TYW3: variants seen among roughly 807,000 people sequenced by gnomAD.
The protein encoded by TYW3 is tRNA wybutosine-synthesizing protein 3 homolog.
Under a neutral mutation model 23.1 loss-of-function variants are expected in TYW3, and 26 were observed. That is an observed-to-expected ratio of 1.13 (90% confidence interval 0.83 to 1.56). TYW3 has a LOEUF of 1.56. Ranked by LOEUF, TYW3 falls within the 40% of genes most tolerant of loss-of-function variation. TYW3 has a pLI of 0.00. For synonymous variants in TYW3, 102 were observed against 105.7 expected (o/e 0.97, Z 0.21); for missense variants, 316 against 311.9 (o/e 1.01, Z -0.10).
At chr1:74,748,666 A>G in intron 3 of TYW3, 85 bp from the exon 4 acceptor site, 2 of 1,345,670 alleles carry the variant, frequency 1.5e-6, no homozygotes, top group Non-Finnish European at 2.1e-6. Flanking sequence ...TTTTAGGGTT[A>G]TATATGTTTC....
intron 4 of TYW3, 58 bp from the exon 5 acceptor site, chr1:74,752,234 T>C: frequency 6.6e-7 from 1 of 1,522,492 alleles, no homozygotes; most frequent in Non-Finnish European, 8.8e-7. Context: ...TTTTCTTGAG[T>C]TATTTTCAGT....
chr1:74,738,271 C>T (rs991645620), intron 2 of TYW3, among the ~76,000 whole-genome samples: 1 of 152,170 alleles, frequency 6.6e-6, no homozygotes, highest in African/African-American at 2.4e-5. Flanking sequence ...GTACAGGATG[C>T]TTCTTGGGAA....
intron 1 of TYW3, chr1:74,736,063 T>A (rs1648143025): frequency 6.6e-6 from 1 of 152,200 alleles, no homozygotes; most frequent in Non-Finnish European, 1.5e-5. Context: ...AATTCAGAGG[T>A]CACAAATTTA....
chr1:74,739,357 A>T (rs1194411493), intron 3 of TYW3, among the ~76,000 whole-genome samples: 3 of 152,220 alleles, frequency 2.0e-5, no homozygotes, highest in African/African-American at 7.2e-5. Flanking sequence ...AAACAAGTGA[A>T]CTGGCAAAAA....
intron 5 of TYW3, among the ~76,000 whole-genome samples, chr1:74,754,229 C>A: frequency 6.6e-6 from 1 of 152,086 alleles, no homozygotes; most frequent in East Asian, 1.9e-4. Context: ...CCAAGATCAA[C>A]TAACTGTACA....
At chr1:74,745,163 T>G (rs2881153) in intron 3 of TYW3, among the ~76,000 whole-genome samples, 98,288 of 151,858 alleles carry the variant, frequency 0.65, 32,362 homozygotes, top group East Asian at 0.78. Context: ...GAATGAAGCC[T>G]CAGACCTCCG....
rs1648674125 is a variant in TYW3, at chr1:74,748,743, T to C, written c.355-8T>C. 6.2e-7 allele frequency: 1 copy of C among 1,613,798 alleles called. No individual in the cohort carries two copies. Among genetic ancestry groups the C allele is most frequent in the Non-Finnish European group, 8.5e-7 (1 of 1,179,756 alleles). On this transcript the variant is annotated splice_region_variant and splice_polypyrimidine_tract_variant and intron_variant, in intron 3 of 5. Transcript: ENST00000370867. ...TATCAAAATGTAACAAGTTTTATTT[T>C]CTTACAGCATTCCATGGCAATAGAT...
At chr1:74,762,390 A>C (rs1198317441) in intron 5 of TYW3, among the ~76,000 whole-genome samples, 1 of 152,158 alleles carries the variant, frequency 6.6e-6, no homozygotes, top group East Asian at 1.9e-4. Context: ...AGGACATAAA[A>C]GTAAGATGAG....
intron 2 of TYW3, among the ~76,000 whole-genome samples, chr1:74,737,186 C>T (rs2298103): frequency 0.016 from 2,421 of 152,240 alleles, 27 homozygotes; most frequent in East Asian, 0.055. Flanking sequence ...CTGGAAAGGG[C>T]GAATGGAGCT....
chr1:74,750,889 C>T (rs1648760885), intron 4 of TYW3, among the ~76,000 whole-genome samples: 1 of 147,266 alleles, frequency 6.8e-6, no homozygotes, highest in African/African-American at 2.5e-5. Flanking sequence ...CTCACTGCAA[C>T]CGCCACCTCC....
chr1:74,733,701 A>G (rs574147720), intron 1 of TYW3, among the ~76,000 whole-genome samples: 160 of 152,348 alleles, frequency 1.1e-3, no homozygotes, highest in African/African-American at 3.6e-3. Flanking sequence ...AATGATGTTG[A>G]AACTGCTGAC....
At chr1:74,760,576 G>C (rs1435553756) in intron 5 of TYW3, among the ~76,000 whole-genome samples, 1 of 152,042 alleles carries the variant, frequency 6.6e-6, no homozygotes, top group African/African-American at 2.4e-5. Flanking sequence ...TTAGAGCACT[G>C]TGTCCCATCT....
At chr1:74,739,598 G>A (rs59234789) in intron 3 of TYW3, among the ~76,000 whole-genome samples, 1 of 152,210 alleles carries the variant, frequency 6.6e-6, no homozygotes, top group Non-Finnish European at 1.5e-5. Context: ...GTGGAAAGAA[G>A]GTGCCAGAAG....
chr1:74,744,403 G>A (rs938640901), intron 3 of TYW3, among the ~76,000 whole-genome samples: 12 of 152,000 alleles, frequency 7.9e-5, no homozygotes, highest in South Asian at 2.1e-4. Flanking sequence ...AAAATGAGCC[G>A]CCTCTTTTTC....
intron 5 of TYW3, among the ~76,000 whole-genome samples, chr1:74,754,342 C>T (rs1298505433): frequency 3.9e-5 from 6 of 152,184 alleles, no homozygotes; most frequent in African/African-American, 1.4e-4. Flanking sequence ...TGCATGCTGC[C>T]ATTAAGAGCC....
intron 3 of TYW3, among the ~76,000 whole-genome samples, chr1:74,746,044 C>G (rs1377868972): frequency 2.6e-5 from 4 of 152,172 alleles, no homozygotes; most frequent in Admixed American, 2.0e-4. Flanking sequence ...GAGGTTAGGG[C>G]ATCAACATAT....
chr1:74,766,374 C>T lies in TYW3; in HGVS notation c.*2261C>T, dbSNP rs1649307534. The T allele has an allele frequency of 6.6e-6, 1 of 152,006 alleles. No individual in the cohort carries two copies. The highest frequency in any genetic ancestry group is 1.5e-5 in the Non-Finnish European group (1 of 68,010). The allele number at this position is 152,006 out of a possible 1,614,324, so 9.4% of individuals were successfully genotyped here. On this transcript the variant is annotated 3_prime_UTR_variant, in exon 6 of 6. Coordinates refer to ENST00000370867, the MANE Select transcript of TYW3 (RefSeq NM_138467.3). Reference sequence around the variant, plus strand: ...CATGTGTGTTATTGCCCCTGAAGACCTTCCAGTGGTACAAGATGTGGAGGA... The same window carrying T: ...CATGTGTGTTATTGCCCCTGAAGACTTTCCAGTGGTACAAGATGTGGAGGA...
At position 74,738,880 on chromosome 1, in the gene TYW3, T is replaced by C. The variant is rs570800824; in HGVS notation, c.354+92T>C. 3.7e-6 allele frequency: 3 copies of C among 814,120 alleles called. No homozygotes were observed. The South Asian group carries it at 5.9e-5, about 16-fold the overall frequency. The allele number at this position is 814,120 out of a possible 1,614,324, so 50.4% of individuals were successfully genotyped here. The stretch of plus-strand genomic sequence containing the variant: ...ACCTGCTATAAATATCAATGAGATA[T>C]TACCTTATTCAACTAGTTATGTATA... On this transcript the variant is annotated intron_variant, in intron 3 of 5. Transcript: ENST00000370867.
At chr1:74,758,031 G>A (rs757395423) in intron 5 of TYW3, among the ~76,000 whole-genome samples, 3 of 152,164 alleles carry the variant, frequency 2.0e-5, no homozygotes, top group Non-Finnish European at 2.9e-5. Flanking sequence ...TAATACAGAT[G>A]GCAATATGTA....
Sources: gnomAD v4.1 joint callset for allele counts (sites outside exome capture counted in the v4.1 genomes callset) on GRCh38, gnomAD v4.1.1 for gene constraint, MANE v1.5 for transcripts, NCBI Gene and HGNC (gene_info 2026-07-23, HGNC 2026-07-21) for gene names.